Variants in NR2E1 observed in about 807,000 individuals in gnomAD.
NR2E1 encodes nuclear receptor TLX.
In NR2E1, 5 loss-of-function variants were observed where a neutral mutation model predicts 43.6. The ratio of observed to expected loss-of-function variants is 0.11; its 90% CI spans 0.06 to 0.24. NR2E1 has a LOEUF of 0.24. NR2E1 is among the 10% of genes least tolerant of loss of function. NR2E1 has a pLI of 1.00. For missense variants in NR2E1, 287 were observed against 496.7 expected (o/e 0.58, Z 4.01); for synonymous variants, 191 against 195.5 (o/e 0.98, Z 0.19).
chr6:108,182,033 C>T lies in NR2E1; in HGVS notation c.995+382C>T, dbSNP rs147186298. Among the ~76,000 whole-genome samples the T allele has an allele frequency of 5.3e-3, 801 of 152,064 alleles. 7 individuals are homozygous for T. The highest frequency in any genetic ancestry group is 0.018 in the African/African-American group (761 of 41,474). On this transcript the variant is annotated intron_variant, in intron 8 of 8. Transcript: ENST00000368986. ...TGGGTGGATCACGAGGTCAGAAGAT[C>T]GAGACCATCCTGGCTAACACAGTGA...
At chr6:108,177,362 G>A (rs1453300883) in intron 4 of NR2E1, among the ~76,000 whole-genome samples, 3 of 152,210 alleles carry the variant, frequency 2.0e-5, no homozygotes, top group African/African-American at 7.2e-5. Flanking sequence ...CAGGGCCACA[G>A]CCTGAACCAC....
intron 2 of NR2E1, among the ~76,000 whole-genome samples, chr6:108,174,510 C>T (rs1773863131): frequency 6.6e-6 from 1 of 152,092 alleles, no homozygotes; most frequent in Non-Finnish European, 1.5e-5. Flanking sequence ...GGCGGAAGTT[C>T]CCCTAGCGAG....
In NR2E1 at chr6:108,169,078, A is replaced by G. The variant is rs569097642; in HGVS notation, c.25+2288A>G. 2.0e-5 allele frequency among the ~76,000 whole-genome samples: 3 copies of G among 152,310 alleles called. No individual in the cohort carries two copies. The East Asian group carries it at 5.8e-4, about 29-fold the overall frequency. Reference sequence around the variant, plus strand: ...CGGAGCTCGCTCGGCTTGCTAAATGAGAGGAGCTTTGCAACGGGGTCAACC... The same window carrying G: ...CGGAGCTCGCTCGGCTTGCTAAATGGGAGGAGCTTTGCAACGGGGTCAACC... On this transcript the variant is annotated intron_variant, in intron 1 of 8. Transcript: ENST00000368986. The surrounding 1 kb of genome is among the most constrained non-coding windows in gnomAD (Gnocchi z 6.1).
intron 8 of NR2E1, among the ~76,000 whole-genome samples, chr6:108,186,255 T>G (rs775149259): frequency 5.3e-5 from 8 of 152,208 alleles, no homozygotes; most frequent in Non-Finnish European, 8.8e-5. Flanking sequence ...AAGAGCCAGC[T>G]GAGGTCCTGA....
At chr6:108,168,460 C>T (rs1773750773) in intron 1 of NR2E1, among the ~76,000 whole-genome samples, 1 of 152,224 alleles carries the variant, frequency 6.6e-6, no homozygotes, top group Non-Finnish European at 1.5e-5. Context: ...TGCGGCTGCG[C>T]CCCCGCTGTG....
chr6:108,187,604 C>T lies in NR2E1; in HGVS notation c.*141C>T. 2 of 925,902 alleles carry T rather than the reference C, an allele frequency of 2.2e-6. No individual in the cohort carries two copies. The allele number at this position is 925,902 out of a possible 1,614,324, so 57.4% of individuals were successfully genotyped here. On this transcript the variant is annotated 3_prime_UTR_variant, in exon 9 of 9. Coordinates refer to ENST00000368986, the MANE Select transcript of NR2E1 (RefSeq NM_003269.5). ...TTCAGGAAAAAAATGCCAATTGACA[C>T]AAAGCATTCCAGTAGCTATGACCTG...
intron 8 of NR2E1, among the ~76,000 whole-genome samples, chr6:108,183,934 G>A (rs1774034221): frequency 1.3e-5 from 2 of 152,168 alleles, no homozygotes; most frequent in Non-Finnish European, 2.9e-5. Flanking sequence ...GCTCACACCT[G>A]TAATCCCAAG....
chr6:108,175,620 G>A (rs950100363), intron 3 of NR2E1, among the ~76,000 whole-genome samples: 4 of 152,296 alleles, frequency 2.6e-5, no homozygotes, highest in African/African-American at 9.6e-5. Context: ...TCCGAGCTGC[G>A]TCCCCCGCTG....
At chr6:108,174,678 T>C (rs530618287) in intron 2 of NR2E1, among the ~76,000 whole-genome samples, 158 bp from the exon 3 acceptor site, 1 of 152,272 alleles carries the variant, frequency 6.6e-6, no homozygotes, top group Admixed American at 6.5e-5. Flanking sequence ...GCCCTGCTCA[T>C]GCCCAAGGCC....
chr6:108,184,402 G>A (rs1289159908), intron 8 of NR2E1, among the ~76,000 whole-genome samples: 1 of 152,152 alleles, frequency 6.6e-6, no homozygotes, highest in Non-Finnish European at 1.5e-5. Context: ...ATACCAGAAG[G>A]AGCAAGACAC....
chr6:108,169,604 T>C lies in NR2E1; in HGVS notation c.26-1854T>C, dbSNP rs1773771040. ...GGTTGTAAGATATGGAAACCAAGTT[T>C]ACCGCTTCCAGAGTGAGTGCAGTGC... On this transcript the variant is annotated intron_variant, in intron 1 of 8. Coordinates refer to ENST00000368986, the MANE Select transcript of NR2E1 (RefSeq NM_003269.5). This position sits in a 1 kb window ranked among gnomAD's most constrained non-coding sequence, Gnocchi z 6.1. 6.6e-6 allele frequency among the ~76,000 whole-genome samples: 1 copy of C among 152,144 alleles called. No homozygotes were observed. The highest frequency in any genetic ancestry group is 2.1e-4 in the South Asian group (1 of 4,826).
At position 108,181,975 on chromosome 6, in the gene NR2E1, C is replaced by T. The variant is rs564530171; in HGVS notation, c.995+324C>T. ...AGCCTAGGCTGGGCACAGTGGCTCA[C>T]GCCTGTAATCCCAGCACTTTGGGAG... On this transcript the variant is annotated intron_variant, in intron 8 of 8. Transcript: ENST00000368986. Among the ~76,000 whole-genome samples, 21 of 152,268 alleles carry T rather than the reference C, an allele frequency of 1.4e-4. No individual in the cohort carries two copies. The South Asian group carries it at 4.1e-3, about 30-fold the overall frequency.
Position 108,181,516 on chromosome 6 carries a change from C to G in NR2E1, c.890-30C>G, listed in dbSNP as rs1034548522. On this transcript the variant is annotated intron_variant, in intron 7 of 8. Transcript: ENST00000368986. ...CTCCCAGATGCAATTTCTATGCTGT[C>G]TATCACAGTTTCCTGGTCTTCATTT... 1.7e-5 allele frequency: 26 copies of G among 1,564,494 alleles called. 1 individual carries two copies. Among genetic ancestry groups the G allele is most frequent in the South Asian group, 2.2e-5 (2 of 90,102 alleles).
chr6:108,181,670 G>C lies in NR2E1; in HGVS notation c.995+19G>C. Reference sequence around the variant, plus strand: ...ATACCAGGTGACCCTTGTTTGCCTTGAACATGTACTTAAGAAAATTGCCTC... The same window carrying C: ...ATACCAGGTGACCCTTGTTTGCCTTCAACATGTACTTAAGAAAATTGCCTC... On this transcript the variant is annotated intron_variant, in intron 8 of 8. Transcript: ENST00000368986. The C allele has an allele frequency of 6.3e-7, 1 of 1,599,164 alleles. No individual in the cohort carries two copies. The highest frequency in any genetic ancestry group is 8.6e-7 in the Non-Finnish European group (1 of 1,166,394).
rs1483765387 is a variant in NR2E1 at position 108,188,738 on chromosome 6, A to G, written c.*1275A>G. The G allele has an allele frequency of 6.6e-6, 1 of 152,232 alleles. No homozygotes were observed. Among genetic ancestry groups the G allele is most frequent in the Non-Finnish European group, 1.5e-5 (1 of 68,044 alleles). 9.4% of individuals were successfully genotyped at this position (152,232 alleles called of 1,614,324 possible). A position where few individuals can be genotyped will look rare whatever the true frequency, so the allele number is the denominator to read the frequency against. ...AACTTTTCTTGTACAAAGTGAATTA[A>G]CTGATTTGTGAAGTTAAAAGGTTGT... On this transcript the variant is annotated 3_prime_UTR_variant, in exon 9 of 9. Transcript: ENST00000368986.
intron 8 of NR2E1, among the ~76,000 whole-genome samples, chr6:108,185,589 T>C (rs955146224): frequency 6.6e-6 from 1 of 152,150 alleles, no homozygotes; most frequent in African/African-American, 2.4e-5. Context: ...GAGCCCTTGC[T>C]ATGTTGCCCA....
chr6:108,177,676 C>T (rs1031216626), intron 4 of NR2E1, among the ~76,000 whole-genome samples: 2 of 152,204 alleles, frequency 1.3e-5, no homozygotes, highest in African/African-American at 4.8e-5. Context: ...TATACTAATC[C>T]TTTCTAAAAA....
chr6:108,175,506 G>A (rs1324083236), intron 3 of NR2E1, among the ~76,000 whole-genome samples: 1 of 152,254 alleles, frequency 6.6e-6, no homozygotes, highest in Non-Finnish European at 1.5e-5. Flanking sequence ...TGGAGAGGCA[G>A]GGTAACGCCC....
chr6:108,174,156 G>A (rs1773858535), intron 2 of NR2E1, among the ~76,000 whole-genome samples: 1 of 152,148 alleles, frequency 6.6e-6, no homozygotes, highest in South Asian at 2.1e-4. Flanking sequence ...CTTCCAGGAA[G>A]GGCTGTGTTT....
Sources: allele counts gnomAD v4.1 joint callset (sites outside exome capture counted in the v4.1 genomes callset), GRCh38; gene constraint gnomAD v4.1.1; non-coding constraint Gnocchi (gnomAD v3.1); transcripts MANE v1.5; gene names NCBI Gene and HGNC (gene_info 2026-07-23, HGNC 2026-07-21).